Variants in GPR176 observed in about 807,000 individuals in gnomAD.
GPR176 encodes the protein G protein-coupled receptor 176.
GPR176 carries 26 observed loss-of-function variants against 35.4 expected under a neutral mutation model. The ratio of observed to expected loss-of-function variants is 0.74; its 90% CI spans 0.54 to 1.02. The LOEUF (loss-of-function observed/expected upper bound fraction) is 1.02. Among genes scored for constraint, GPR176 ranks in the 50% least tolerant of loss-of-function variants. The pLI, the probability that GPR176 is intolerant of heterozygous loss-of-function variation, is 0.00. For missense variants in GPR176, 597 were observed against 665.3 expected, an observed-to-expected ratio of 0.90 and a Z score of 1.13; for synonymous variants, 278 against 271.3, an observed-to-expected ratio of 1.02 and a Z score of -0.24.
intron 1 of GPR176, among the ~76,000 whole-genome samples, chr15:39,892,218 A>G (rs960634492): frequency 5.9e-5 from 9 of 152,234 alleles, no homozygotes; most frequent in Non-Finnish European, 1.2e-4. Flanking sequence ...GAAAAAAAGT[A>G]AGATTCAAGC....
intron 1 of GPR176, among the ~76,000 whole-genome samples, chr15:39,836,228 C>A (rs1391438967): frequency 1.3e-5 from 2 of 152,194 alleles, no homozygotes; most frequent in African/African-American, 2.4e-5. Flanking sequence ...GTCAGTCTGT[C>A]TTCTCCAAAT....
At chr15:39,864,482 A>G (rs917786625) in intron 1 of GPR176, among the ~76,000 whole-genome samples, 1 of 152,220 alleles carries the variant, frequency 6.6e-6, no homozygotes, top group African/African-American at 2.4e-5. Flanking sequence ...CACCATATAC[A>G]AAAATCAACT....
At chr15:39,834,397 T>C (rs912680120) in intron 1 of GPR176, among the ~76,000 whole-genome samples, 1 of 152,192 alleles carries the variant, frequency 6.6e-6, no homozygotes, top group Non-Finnish European at 1.5e-5. Context: ...TCAGAGATAC[T>C]TTTTTAAAAC....
At chr15:39,914,307 TTC>T (rs1366980973) in intron 1 of GPR176, among the ~76,000 whole-genome samples, 1 of 125,336 alleles carries the variant, frequency 8.0e-6, no homozygotes, top group Admixed American at 1.1e-4. Context: ...GGATATCTTA[TTC>T]TTTTTTTTTT....
In GPR176 at chr15:39,878,096, C is replaced by G. The variant is rs989194235; in HGVS notation, c.172+41759G>C. ...CATATCCATCACCTCCCATAGTTAC[C>G]TGTGTGTGTGTGTGTGTGTGTGTGT... On this transcript the variant is annotated intron_variant, in intron 1 of 2. Transcript: ENST00000561100. Among the ~76,000 whole-genome samples, 1,147 of 130,038 alleles carry G rather than the reference C, an allele frequency of 8.8e-3. 7 individuals are homozygous for G. The highest frequency in any genetic ancestry group is 0.016 in the Admixed American group (205 of 12,986). 85.3% of individuals were successfully genotyped at this position (130,038 alleles called of 152,430 possible).
chr15:39,821,926 A>T (rs186965237), intron 1 of GPR176, among the ~76,000 whole-genome samples: 50 of 152,360 alleles, frequency 3.3e-4, no homozygotes, highest in Non-Finnish European at 4.4e-4. Flanking sequence ...AAACAATAGG[A>T]CATGACAGAA....
At chr15:39,864,532 A>T (rs1260367909) in intron 1 of GPR176, among the ~76,000 whole-genome samples, 1 of 152,208 alleles carries the variant, frequency 6.6e-6, no homozygotes, top group African/African-American at 2.4e-5. Flanking sequence ...CCTAAGAACT[A>T]TAAAAATACT....
chr15:39,851,672 T>C (rs2030874389), intron 1 of GPR176, among the ~76,000 whole-genome samples: 3 of 152,216 alleles, frequency 2.0e-5, no homozygotes, highest in Non-Finnish European at 2.9e-5. Context: ...TCCTCACAAA[T>C]GCGAGTCAGT....
At chr15:39,881,118 C>T (rs566663248) in intron 1 of GPR176, among the ~76,000 whole-genome samples, 26 of 152,256 alleles carry the variant, frequency 1.7e-4, no homozygotes, top group African/African-American at 6.3e-4. Context: ...CTCCCACCAC[C>T]CTGTCTATGA....
At chr15:39,864,778 TA>T (rs1445571439) in intron 1 of GPR176, among the ~76,000 whole-genome samples, 1 of 151,864 alleles carries the variant, frequency 6.6e-6, no homozygotes, top group African/African-American at 2.4e-5. Context: ...AAAATATTTG[TA>T]AACTATGCAT....
chr15:39,839,308 C>T (rs1419069256), intron 1 of GPR176, among the ~76,000 whole-genome samples: 1 of 152,024 alleles, frequency 6.6e-6, no homozygotes, highest in African/African-American at 2.4e-5. Flanking sequence ...GAACAGAGAC[C>T]TCAGAAATAA....
chr15:39,869,948 T>C (rs776990853), intron 1 of GPR176, among the ~76,000 whole-genome samples: 20 of 152,230 alleles, frequency 1.3e-4, no homozygotes, highest in Non-Finnish European at 2.5e-4. Context: ...ACAAATTTCA[T>C]GGCTTAAAAC....
chr15:39,851,938 G>T (rs2030902083), intron 1 of GPR176, among the ~76,000 whole-genome samples: 1 of 152,000 alleles, frequency 6.6e-6, no homozygotes. Context: ...TGCTTCCTTG[G>T]CTGCTATCAG....
At chr15:39,802,427 A>G (rs1898943365) in intron 2 of GPR176, among the ~76,000 whole-genome samples, 173 bp from the exon 3 acceptor site, 1 of 152,252 alleles carries the variant, frequency 6.6e-6, no homozygotes. Flanking sequence ...AGGACTTTGC[A>G]AGTACAATAA....
At chr15:39,895,703 A>G (rs1414875189) in intron 1 of GPR176, among the ~76,000 whole-genome samples, 1 of 152,178 alleles carries the variant, frequency 6.6e-6, no homozygotes, top group Non-Finnish European at 1.5e-5. Context: ...ATTTAATGAT[A>G]TGGTATGGAC....
intron 1 of GPR176, among the ~76,000 whole-genome samples, chr15:39,894,850 A>C (rs566967746): frequency 1.3e-5 from 2 of 152,334 alleles, no homozygotes; most frequent in Admixed American, 6.5e-5. Flanking sequence ...TCTTTCTGCA[A>C]TCTCGGCACT....
chr15:39,887,107 A>G (rs979465196), intron 1 of GPR176, among the ~76,000 whole-genome samples: 2 of 152,226 alleles, frequency 1.3e-5, no homozygotes, highest in Non-Finnish European at 2.9e-5. Flanking sequence ...CTCACTCCAG[A>G]GGCTGTGGTT....
intron 1 of GPR176, among the ~76,000 whole-genome samples, chr15:39,827,272 G>A (rs1432412524): frequency 6.6e-6 from 1 of 152,190 alleles, no homozygotes; most frequent in African/African-American, 2.4e-5. Flanking sequence ...CATGATCTAA[G>A]GGTGGAGTTT....
At chr15:39,906,548 C>T (rs946766844) in intron 1 of GPR176, among the ~76,000 whole-genome samples, 12 of 152,242 alleles carry the variant, frequency 7.9e-5, no homozygotes, top group Admixed American at 7.8e-4. Context: ...GCTATAAGGA[C>T]ATCCCCCACA....
Sources: allele counts gnomAD v4.1 joint callset (sites outside exome capture counted in the v4.1 genomes callset), GRCh38; gene constraint gnomAD v4.1.1; transcripts MANE v1.5; gene names NCBI Gene and HGNC (gene_info 2026-07-23, HGNC 2026-07-21).